Variants in CPNE1 observed in about 807,000 individuals in gnomAD.
CPNE1 encodes copine 1.
In CPNE1, 58 loss-of-function variants were observed where a neutral mutation model predicts 63.2. The observed-to-expected ratio is 0.92, with a 90% CI of 0.74 to 1.14. The LOEUF (loss-of-function observed/expected upper bound fraction) is 1.14, where lower values mean the gene tolerates loss of function less well. CPNE1 is among the 50% of genes most tolerant of loss of function. CPNE1 has a pLI of 0.00. For synonymous variants in CPNE1, 237 were observed against 249.0 expected, an observed-to-expected ratio of 0.95 and a Z score of 0.45; for missense variants, 672 against 661.7, an observed-to-expected ratio of 1.02 and a Z score of -0.17.
At chr20:35,630,687 A>C in intron 12 of CPNE1, 54 bp downstream of exon 12, 6 of 1,597,766 alleles carry the variant, frequency 3.8e-6, no homozygotes, top group Non-Finnish European at 4.3e-6. Context: ...CACATCCCCC[A>C]AAATCAGGAC....
At chr20:35,626,534 G>A (rs765674099) in intron 15 of CPNE1, 33 bp downstream of exon 15, 2 of 1,605,978 alleles carry the variant, frequency 1.2e-6, no homozygotes, top group Admixed American at 3.3e-5. Context: ...AGGTGAAAGG[G>A]TAAACTCCCA....
At chr20:35,664,331 A>C (rs1169046099) in intron 1 of CPNE1, 1 of 152,270 alleles carries the variant, frequency 6.6e-6, no homozygotes, top group Non-Finnish European at 1.5e-5. Context: ...GGGTTGAAGG[A>C]GTGTCCTCAC....
intron 1 of CPNE1, among the ~76,000 whole-genome samples, chr20:35,656,032 A>G (rs1322149493): frequency 6.6e-6 from 1 of 152,222 alleles, no homozygotes; most frequent in Non-Finnish European, 1.5e-5. Context: ...CTAAGAAGCC[A>G]AAAGAACTAC....
At chr20:35,664,452 C>T (rs889936607) in intron 1 of CPNE1, 4 of 152,362 alleles carry the variant, frequency 2.6e-5, no homozygotes, top group Non-Finnish European at 5.9e-5. Context: ...TTACTGCAGT[C>T]CCCGTTAGCT....
In CPNE1 at chr20:35,626,363, C is replaced by T; in HGVS notation, c.1492G>A (p.Ala498Thr). The T allele has an allele frequency of 6.2e-7, 1 of 1,614,052 alleles. No homozygotes were observed. Among genetic ancestry groups the T allele is most frequent in the South Asian group, 1.1e-5 (1 of 91,082 alleles). ...RFQNAPREAL[A>T]QTVLAEVPTQ... The stretch of plus-strand genomic sequence containing the variant: ...GGCACTTCTGCGAGCACGGTCTGTG[C>T]CAATGCCTCCCGAGGGGCCTGCCAA... Residue 498 changes from alanine to threonine, a missense_variant, in exon 16 of 16, where the codon GCA becomes ACA. Physicochemically the swap from Ala to Thr is moderately conservative, Grantham distance 58. Coordinates refer to ENST00000397443, the MANE Select transcript of CPNE1 (RefSeq NM_152925.3).
chr20:35,631,689 T>C lies in CPNE1; in HGVS notation c.626A>G (p.Gln209Arg), dbSNP rs1409011885. The change falls in exon 7 of 16, where the codon CAG (glutamine) becomes CGG (arginine). Residue 209 changes from glutamine to arginine, a missense_variant and splice_region_variant. Gln to Arg is a conservative substitution (Grantham distance 43, BLOSUM62 1). Coordinates refer to ENST00000397443, the MANE Select transcript of CPNE1 (RefSeq NM_152925.3). Reference sequence around the variant, plus strand: ...CCACTTAGGGGGCAAGCTCCTCACCTGGATGGGTGTGCTGGGGTTCCCACC... The same window carrying C: ...CCACTTAGGGGGCAAGCTCCTCACCCGGATGGGTGTGCTGGGGTTCCCACC... ...FCGGNPSTPI[Q>R]VQCSDYDSDG... 1 of 1,613,958 alleles carries C rather than the reference T, an allele frequency of 6.2e-7. No individual in the cohort carries two copies. Among genetic ancestry groups the C allele is most frequent in the Non-Finnish European group, 8.5e-7 (1 of 1,179,844 alleles).
At chr20:35,654,191 T>C in intron 1 of CPNE1, 1 of 1,614,270 alleles carries the variant, frequency 6.2e-7, no homozygotes, top group Non-Finnish European at 8.5e-7. Flanking sequence ...TGTCTTTCTG[T>C]GGCAGGGCTA....
chr20:35,630,835 G>C, intron 11 of CPNE1, 40 bp from the exon 12 acceptor site: 11 of 1,607,086 alleles, frequency 6.8e-6, no homozygotes, highest in Non-Finnish European at 9.3e-6. Context: ...GCAGTGAGGG[G>C]ACTGTAAGCT....
intron 1 of CPNE1, among the ~76,000 whole-genome samples, chr20:35,657,972 G>A (rs2034000501): frequency 6.6e-6 from 1 of 152,072 alleles, no homozygotes; most frequent in Non-Finnish European, 1.5e-5. Flanking sequence ...TGAGGCAGAA[G>A]AATCACTTGA....
At chr20:35,626,526 G>C (rs375996989) in intron 15 of CPNE1, 41 bp downstream of exon 15, 144 of 1,601,232 alleles carry the variant, frequency 9.0e-5, no homozygotes, top group Non-Finnish European at 1.1e-4. Flanking sequence ...TCAGGGAAAG[G>C]TGAAAGGGTA....
chr20:35,645,462 C>A (rs1246221447), intron 1 of CPNE1, among the ~76,000 whole-genome samples: 1 of 152,202 alleles, frequency 6.6e-6, no homozygotes, highest in African/African-American at 2.4e-5. Flanking sequence ...AGTATAAGCA[C>A]AACCAAGCAC....
chr20:35,637,495 G>A (rs1436716270), intron 1 of CPNE1, among the ~76,000 whole-genome samples: 3 of 151,984 alleles, frequency 2.0e-5, no homozygotes, highest in African/African-American at 7.3e-5. Context: ...GTTATTTCTG[G>A]TTCATCTAAC....
intron 1 of CPNE1, among the ~76,000 whole-genome samples, chr20:35,633,740 G>A (rs1031149986): frequency 1.3e-5 from 2 of 151,852 alleles, no homozygotes; most frequent in Non-Finnish European, 2.9e-5. Context: ...ATCACTTGAG[G>A]TCAGGAGTTT....
chr20:35,664,878 C>T lies in CPNE1; in HGVS notation c.-119G>A, dbSNP rs539728423. The T allele has an allele frequency of 6.6e-6, 1 of 152,378 alleles. No homozygotes were observed. The allele number at this position is 152,378 out of a possible 1,614,324, so 9.4% of individuals were successfully genotyped here. ...TTCCCGGAGCCCAACGCAGCCACCA[C>T]CTCCTTCGCCGCTTCACAAAATGGC... On this transcript the variant is annotated 5_prime_UTR_variant, in exon 1 of 16. It adds an upstream start codon to the 5' untranslated region. Transcript: ENST00000397443.
At chr20:35,640,434 T>C (rs1464144933) in intron 1 of CPNE1, among the ~76,000 whole-genome samples, 1 of 152,180 alleles carries the variant, frequency 6.6e-6, no homozygotes, top group East Asian at 1.9e-4. Flanking sequence ...CCATATTAAA[T>C]ATCACATTTG....
chr20:35,657,499 A>C (rs1000897702), intron 1 of CPNE1, among the ~76,000 whole-genome samples: 1 of 152,218 alleles, frequency 6.6e-6, no homozygotes, highest in African/African-American at 2.4e-5. Flanking sequence ...GCACTGGGAC[A>C]ATCAAACAGA....
Position 35,632,031 on chromosome 20 carries a change from A to G in CPNE1, c.457-6T>C, listed in dbSNP as rs774318502. On this transcript the variant is annotated splice_region_variant and splice_polypyrimidine_tract_variant and intron_variant, in intron 5 of 15. Transcript: ENST00000397443. ...TCTGATTTTCCCAGGAAGTCCTGCC[A>G]ATGCGAGACCCCAGTTACAAGACTC... is the stretch of plus-strand genomic sequence containing the variant. 1 of 1,613,958 alleles carries G rather than the reference A, an allele frequency of 6.2e-7. No individual in the cohort carries two copies. The highest frequency in any genetic ancestry group is 1.7e-5 in the Admixed American group (1 of 60,016).
intron 13 of CPNE1, among the ~76,000 whole-genome samples, chr20:35,628,310 T>TA (rs760787710): frequency 0.025 from 3,466 of 139,268 alleles, 36 homozygotes; most frequent in Non-Finnish European, 0.031. Context: ...AAAAATAAAT[T>TA]AAAAAAAAAA....
chr20:35,649,102 G>C (rs964352399), intron 1 of CPNE1: 1 of 152,628 alleles, frequency 6.6e-6, no homozygotes, highest in Non-Finnish European at 1.5e-5. Flanking sequence ...GGTTTCTAAA[G>C]TCTGGACTAC....
Sources: gnomAD v4.1 joint callset for allele counts (sites outside exome capture counted in the v4.1 genomes callset) on GRCh38, gnomAD v4.1.1 for gene constraint, MANE v1.5 for transcripts, NCBI Gene and HGNC (gene_info 2026-07-23, HGNC 2026-07-21) for gene names.